USP29: variants seen among roughly 807,000 people sequenced by gnomAD.
USP29 encodes the protein ubiquitin carboxyl-terminal hydrolase 29.
For missense variants in USP29, 1,102 were observed against 1,069.0 expected (o/e 1.03, Z -0.43); for synonymous variants, 386 against 387.4 (o/e 1.00, Z 0.04).
chr19:57,122,817 A>C (rs1011648541), intron 2 of USP29, among the ~76,000 whole-genome samples: 1 of 152,118 alleles, frequency 6.6e-6, no homozygotes, highest in African/African-American at 2.4e-5. Flanking sequence ...AGCTCAGGGA[A>C]AAGCTGATGA....
rs371517572 is a variant in USP29 at position 57,130,812 on chromosome 19, A to G, written c.2137A>G (p.Asn713Asp). 5.7e-5 allele frequency: 92 copies of G among 1,614,050 alleles called. No homozygotes were observed. The highest frequency in any genetic ancestry group is 8.3e-5 in the Admixed American group (5 of 60,002). The stretch of plus-strand genomic sequence containing the variant: ...TTTTGACAGTGTCACTGAGTCCACC[A>G]ATGGCTTTTATGACTGTAAAGAAAA... ...FNFDSVTESTNGFYDCKENRI... is the reference protein window; with the variant it reads ...FNFDSVTESTDGFYDCKENRI... The change falls in exon 4 of 4, where the codon AAT becomes GAT. Residue 713 changes from asparagine (N) to aspartate (D), a missense_variant. Asn to Asp is a conservative substitution (Grantham distance 23). Transcript: ENST00000254181.
intron 3 of USP29, among the ~76,000 whole-genome samples, chr19:57,125,886 T>G (rs1238814789): frequency 6.6e-6 from 1 of 152,180 alleles, no homozygotes; most frequent in Admixed American, 6.5e-5. Context: ...GGTGTGTTTT[T>G]GCAGTGGCTG....
In USP29 at chr19:57,128,925, A is replaced by ATT; in HGVS notation, c.251_252dup (p.Asp85LeufsTer12). The stretch of plus-strand genomic sequence containing the variant: ...TTTGAAAAACAACGTGTTCTTGTTT[A>ATT]TTGACAAATTATCCTACAGAGATGC... On this transcript the variant is annotated frameshift_variant, in exon 4 of 4. Coordinates refer to ENST00000254181, the MANE Select transcript of USP29 (RefSeq NM_020903.3). LOFTEE classifies it low-confidence loss of function (END_TRUNC). 6.2e-7 allele frequency: 1 copy of ATT among 1,613,816 alleles called. No homozygotes were observed. The highest frequency in any genetic ancestry group is 8.5e-7 in the Non-Finnish European group (1 of 1,179,950).
intron 2 of USP29, among the ~76,000 whole-genome samples, chr19:57,123,064 A>G (rs531944095): frequency 9.2e-5 from 14 of 152,310 alleles, no homozygotes; most frequent in Admixed American, 8.5e-4. Context: ...CTCATGCCCT[A>G]CATTGAAGAA....
In USP29 at chr19:57,130,875, C is replaced by T. The variant is rs1385308474; in HGVS notation, c.2200C>T (p.Leu734Phe). 1.2e-6 allele frequency: 2 copies of T among 1,614,178 alleles called. No individual in the cohort carries two copies. The stretch of plus-strand genomic sequence containing the variant: ...AGGATCTCAAGGAATGGCTGAACAG[C>T]TCCAGCAGTGTATTGAGGAGAGCAT... ...PEGSQGMAEQ[L>F]QQCIEESIID... The change falls in exon 4 of 4, where the codon CTC (leucine) becomes TTC (phenylalanine). Residue 734 changes from leucine to phenylalanine, a missense_variant. Coordinates refer to ENST00000254181, the MANE Select transcript of USP29 (RefSeq NM_020903.3).
rs780851981 is a variant in USP29 at position 57,130,758 on chromosome 19, G to A, written c.2083G>A (p.Glu695Lys). 3.7e-6 allele frequency: 6 copies of A among 1,614,038 alleles called. No homozygotes were observed. Among genetic ancestry groups the A allele is most frequent in the Non-Finnish European group, 5.1e-6 (6 of 1,180,044 alleles). The change falls in exon 4 of 4, where the codon GAG (glutamate) becomes AAG (lysine). Residue 695 changes from glutamate (E) to lysine (K), a missense_variant. Physicochemically the swap from Glu to Lys is moderately conservative, Grantham distance 56. Coordinates refer to ENST00000254181, the MANE Select transcript of USP29 (RefSeq NM_020903.3). ...TCAACATCCAGAACTTCAGAAGTAT[G>A]AGAAAACCAATACATTCGTAGAGTT... ...VPQHPELQKY[E>K]KTNTFVEFNF...
At position 57,130,115 on chromosome 19, in the gene USP29, A is replaced by G. The variant is rs143087183; in HGVS notation, c.1440A>G (p.Glu480=). ...QNSLDLFFKE[E]ELEYNCQMCK... ...CTTTAGATCTTTTCTTTAAAGAAGA[A>G]GAGCTTGAATATAACTGTCAGATGT... Residue 480 remains glutamate, a synonymous_variant, in exon 4 of 4, where the codon GAA becomes GAG. Transcript: ENST00000254181. 2.0e-4 allele frequency: 315 copies of G among 1,613,818 alleles called. No homozygotes were observed. The African/African-American group carries it at 3.3e-3, about 17-fold the overall frequency.
rs980380546 is a variant in USP29, at chr19:57,129,347, C to T, written c.672C>T (p.Leu224=). The T allele has an allele frequency of 3.7e-6, 6 of 1,614,106 alleles. No individual in the cohort carries two copies. Among genetic ancestry groups the T allele is most frequent in the South Asian group, 2.2e-5 (2 of 91,070 alleles). Residue 224 remains leucine (L), a synonymous_variant, in exon 4 of 4, where the codon CTC becomes CTT. Transcript: ENST00000254181. ...EDLEKDRDLK[L]GPSFNTNCNG... ...TAGAAAAAGATAGAGATTTGAAACT[C>T]GGGCCTTCATTCAATACCAACTGTA...
chr19:57,129,793 C>G lies in USP29; in HGVS notation c.1118C>G (p.Ala373Gly). 6.2e-7 allele frequency: 1 copy of G among 1,614,100 alleles called. No homozygotes were observed. The highest frequency in any genetic ancestry group is 1.1e-5 in the South Asian group (1 of 91,080). ...EIFSGNMQNDAHEFLGQCLDQ... is the reference protein window; with the variant it reads ...EIFSGNMQNDGHEFLGQCLDQ... Reference sequence around the variant, plus strand: ...TTTTCTGGCAACATGCAGAATGATGCTCATGAGTTTTTAGGTCAGTGTTTA... The same window carrying G: ...TTTTCTGGCAACATGCAGAATGATGGTCATGAGTTTTTAGGTCAGTGTTTA... The change falls in exon 4 of 4, where the codon GCT becomes GGT. Residue 373 changes from alanine to glycine, a missense_variant. Coordinates refer to ENST00000254181, the MANE Select transcript of USP29 (RefSeq NM_020903.3).
chr19:57,123,257 G>C (rs2086807163), intron 2 of USP29, among the ~76,000 whole-genome samples: 1 of 152,192 alleles, frequency 6.6e-6, no homozygotes. Flanking sequence ...ATTAAGGCAT[G>C]TAAATCATAT....
intron 1 of USP29, among the ~76,000 whole-genome samples, chr19:57,121,278 A>G: frequency 6.8e-6 from 1 of 147,724 alleles, no homozygotes; most frequent in East Asian, 1.9e-4. Context: ...ATACTTATAT[A>G]TGTTATATAT....
chr19:57,130,480 A>G lies in USP29; in HGVS notation c.1805A>G (p.Asp602Gly), dbSNP rs760177473. The G allele has an allele frequency of 6.2e-7, 1 of 1,614,162 alleles. No homozygotes were observed. The highest frequency in any genetic ancestry group is 8.5e-7 in the Non-Finnish European group (1 of 1,180,030). Residue 602 changes from aspartate (D) to glycine (G), a missense_variant, in exon 4 of 4, where the codon GAC becomes GGC. Physicochemically the swap from Asp to Gly is moderately conservative, Grantham distance 94. Coordinates refer to ENST00000254181, the MANE Select transcript of USP29 (RefSeq NM_020903.3). ...CCCGTTGAACCAGACAAGAATGCCG[A>G]CCTACAAAGATTCCAGAGAGACTGT... is the stretch of plus-strand genomic sequence containing the variant. ...VLPVEPDKNA[D>G]LQRFQRDCGD...
chr19:57,130,589 G>A lies in USP29; in HGVS notation c.1914G>A (p.Arg638=). The A allele has an allele frequency of 6.2e-7, 1 of 1,614,124 alleles. No homozygotes were observed. The highest frequency in any genetic ancestry group is 1.3e-5 in the African/African-American group (1 of 75,014). Reference sequence around the variant, plus strand: ...CAGAATTGGTCCACTTTAGAGATAGGGCAATCGGTGAAAAGGAGCTTCCAG... The same window carrying A: ...CAGAATTGGTCCACTTTAGAGATAGAGCAATCGGTGAAAAGGAGCTTCCAG... ...LESELVHFRD[R]AIGEKELPVA... Residue 638 remains arginine, a synonymous_variant, in exon 4 of 4, where the codon AGG becomes AGA. Coordinates refer to ENST00000254181, the MANE Select transcript of USP29 (RefSeq NM_020903.3).
At chr19:57,122,039 G>T (rs1040140218) in intron 1 of USP29, among the ~76,000 whole-genome samples, 4 of 151,976 alleles carry the variant, frequency 2.6e-5, no homozygotes, top group Admixed American at 6.6e-5. Flanking sequence ...ATACACAATT[G>T]GTAAATTTGG....
rs1355190819 is a variant in USP29 at position 57,124,131 on chromosome 19, G to A, written c.-25G>A. ...CAGTAAATTGACTCAAGTTTCTTCG[G>A]AAAGAACTGTGAGTAGCAAAGGGCA... On this transcript the variant is annotated 5_prime_UTR_variant, in exon 3 of 4. Coordinates refer to ENST00000254181, the MANE Select transcript of USP29 (RefSeq NM_020903.3). 6.6e-6 allele frequency: 1 copy of A among 152,150 alleles called. No homozygotes were observed. Among genetic ancestry groups the A allele is most frequent in the Admixed American group, 6.5e-5 (1 of 15,276 alleles). 9.4% of individuals were successfully genotyped at this position (152,150 alleles called of 1,614,324 possible). A position where few individuals can be genotyped will look rare whatever the true frequency, so the allele number is the denominator to read the frequency against.
chr19:57,125,573 C>T (rs1443904431), intron 3 of USP29, among the ~76,000 whole-genome samples: 1 of 151,488 alleles, frequency 6.6e-6, no homozygotes, highest in Non-Finnish European at 1.5e-5. Context: ...TTATCAGAGA[C>T]TAGGATTGCA....
chr19:57,127,214 T>C (rs2086828411), intron 3 of USP29, among the ~76,000 whole-genome samples: 1 of 152,084 alleles, frequency 6.6e-6, no homozygotes, highest in Admixed American at 6.5e-5. Context: ...CTGTTGGGAG[T>C]TCTTTCCCAG....
intron 3 of USP29, among the ~76,000 whole-genome samples, chr19:57,125,243 G>T (rs977360164): frequency 9.9e-5 from 15 of 152,116 alleles, no homozygotes; most frequent in Admixed American, 7.9e-4. Flanking sequence ...GAGCTTGTTT[G>T]TTATGATTTC....
rs1314323294 is a variant in USP29 at position 57,131,198 on chromosome 19, C to T, written c.2523C>T (p.Tyr841=). 4 of 1,614,124 alleles carry T rather than the reference C, an allele frequency of 2.5e-6. No homozygotes were observed. The highest frequency in any genetic ancestry group is 2.7e-5 in the African/African-American group (2 of 74,936). Reference sequence around the variant, plus strand: ...GGAGCTCCCCAAATTCAGGCCATTACATCAGCGATGTGTATGACTTTCAGA... The same window carrying T: ...GGAGCTCCCCAAATTCAGGCCATTATATCAGCGATGTGTATGACTTTCAGA... The part of the protein sequence containing the change: ...HIGSSPNSGH[Y]ISDVYDFQKQ... The change falls in exon 4 of 4, where the codon TAC becomes TAT. Residue 841 remains tyrosine (Y), a synonymous_variant. Coordinates refer to ENST00000254181, the MANE Select transcript of USP29 (RefSeq NM_020903.3).
Sources: gnomAD v4.1 joint callset for allele counts (sites outside exome capture counted in the v4.1 genomes callset) on GRCh38, gnomAD v4.1.1 for gene constraint, MANE v1.5 for transcripts, NCBI Gene and HGNC (gene_info 2026-07-23, HGNC 2026-07-21) for gene names.